Variants in AGBL1 observed in about 807,000 individuals in gnomAD.
The protein encoded by AGBL1 is cytosolic carboxypeptidase 4.
A neutral mutation model predicts 118.9 loss-of-function variants in AGBL1; 130 were observed. The ratio of observed to expected loss-of-function variants is 1.09; its 90% CI spans 0.95 to 1.26. The LOEUF is 1.26. AGBL1 is among the 50% of genes most tolerant of loss of function. The pLI is 0.00. For missense variants in AGBL1, 1,584 were observed against 1,298.1 expected (o/e 1.22, Z -3.38); for synonymous variants, 555 against 478.9 (o/e 1.16, Z -2.08).
At chr15:86,644,658 A>G (rs192339282) in intron 21 of AGBL1, among the ~76,000 whole-genome samples, 47 of 151,784 alleles carry the variant, frequency 3.1e-4, no homozygotes, top group Admixed American at 1.4e-3. Context: ...AAAAATCAAT[A>G]TCATGAAAGA....
At chr15:86,746,939 A>G (rs2077765689) in intron 22 of AGBL1, among the ~76,000 whole-genome samples, 1 of 152,226 alleles carries the variant, frequency 6.6e-6, no homozygotes, top group East Asian at 1.9e-4. Flanking sequence ...ACCTTCTGAT[A>G]CTGTTTAACT....
intron 22 of AGBL1, among the ~76,000 whole-genome samples, chr15:86,720,517 C>T (rs918740975): frequency 6.6e-6 from 1 of 152,180 alleles, no homozygotes; most frequent in Non-Finnish European, 1.5e-5. Flanking sequence ...ACTTCGCTGC[C>T]AATGGGGCCA....
At chr15:86,556,015 A>C (rs527895223) in intron 21 of AGBL1, among the ~76,000 whole-genome samples, 1 of 152,186 alleles carries the variant, frequency 6.6e-6, no homozygotes, top group Admixed American at 6.5e-5. Context: ...TGTTTAAAAG[A>C]CAACTCCATG....
At chr15:86,312,160 C>G (rs2141825576) in intron 17 of AGBL1, 1 of 152,342 alleles carries the variant, frequency 6.6e-6, no homozygotes, top group African/African-American at 2.4e-5. Flanking sequence ...TTACAGAATG[C>G]TGAGATTGTA....
chr15:87,003,516 C>G (rs2141765286), intron 24 of AGBL1, among the ~76,000 whole-genome samples: 1 of 152,276 alleles, frequency 6.6e-6, no homozygotes, highest in Non-Finnish European at 1.5e-5. Flanking sequence ...AGAATTCCCT[C>G]TTTTTCTATT....
chr15:86,446,222 G>GT (rs912888565), intron 18 of AGBL1, among the ~76,000 whole-genome samples: 2 of 152,158 alleles, frequency 1.3e-5, no homozygotes, highest in African/African-American at 4.8e-5. Context: ...ATGTTTTCAT[G>GT]TTTTTTGGTT....
intron 17 of AGBL1, among the ~76,000 whole-genome samples, chr15:86,306,233 T>C (rs926102814): frequency 1.3e-5 from 2 of 152,134 alleles, no homozygotes; most frequent in African/African-American, 4.8e-5. Context: ...AGTCACCCCA[T>C]TGGGCTATCA....
intron 17 of AGBL1, among the ~76,000 whole-genome samples, chr15:86,385,041 G>C (rs192498427): frequency 6.6e-6 from 1 of 151,996 alleles, no homozygotes; most frequent in Admixed American, 6.5e-5. Flanking sequence ...CTTTCAATCC[G>C]GCAGCCACGA....
chr15:86,279,824 G>T (rs1266113654), intron 16 of AGBL1, 41 bp downstream of exon 16: 1 of 1,605,336 alleles, frequency 6.2e-7, no homozygotes, highest in Non-Finnish European at 8.5e-7. Context: ...AGGACTGAAG[G>T]GGCTCTCTGA....
intron 16 of AGBL1, among the ~76,000 whole-genome samples, chr15:86,280,506 A>G (rs1567175264): frequency 6.6e-6 from 1 of 152,202 alleles, no homozygotes; most frequent in Non-Finnish European, 1.5e-5. Context: ...AAGCTGGCAA[A>G]CTAACCCTTA....
chr15:86,556,906 T>C (rs2083742349), intron 21 of AGBL1, among the ~76,000 whole-genome samples: 1 of 152,124 alleles, frequency 6.6e-6, no homozygotes, highest in African/African-American at 2.4e-5. Flanking sequence ...CAATCATTTC[T>C]CCCCCAGCAC....
intron 17 of AGBL1, among the ~76,000 whole-genome samples, chr15:86,308,474 A>G (rs1316005384): frequency 6.6e-6 from 1 of 152,244 alleles, no homozygotes; most frequent in Non-Finnish European, 1.5e-5. Context: ...TCAGACTTCC[A>G]GCCTCCAAAA....
At chr15:86,514,135 A>AACACACACACACAC (rs3084321) in intron 18 of AGBL1, among the ~76,000 whole-genome samples, 1 of 149,182 alleles carries the variant, frequency 6.7e-6, no homozygotes, top group Non-Finnish European at 1.5e-5. Flanking sequence ...TACACACACA[A>AACACACACACACAC]ACACACACAC....
At chr15:86,507,687 G>T (rs894817001) in intron 18 of AGBL1, among the ~76,000 whole-genome samples, 4 of 152,082 alleles carry the variant, frequency 2.6e-5, no homozygotes, top group African/African-American at 9.7e-5. Flanking sequence ...GTAAACCATG[G>T]ATATTTGGGG....
intron 21 of AGBL1, among the ~76,000 whole-genome samples, chr15:86,668,534 C>T (rs1304666279): frequency 6.6e-6 from 1 of 152,056 alleles, no homozygotes; most frequent in African/African-American, 2.4e-5. Context: ...TTGGTATCTT[C>T]AGAGTGGCCC....
intron 17 of AGBL1, among the ~76,000 whole-genome samples, chr15:86,394,278 T>C (rs1034577328): frequency 2.0e-5 from 3 of 152,148 alleles, no homozygotes; most frequent in Non-Finnish European, 4.4e-5. Flanking sequence ...AATTTCAGAA[T>C]TCGTTTTATA....
chr15:86,573,183 C>T (rs541489927), intron 21 of AGBL1, among the ~76,000 whole-genome samples: 1 of 152,194 alleles, frequency 6.6e-6, no homozygotes, highest in Non-Finnish European at 1.5e-5. Flanking sequence ...AAGCACATAA[C>T]CAAGGGCAGA....
rs182548174 is a variant in AGBL1 at position 86,632,123 on chromosome 15, C to T, written c.2995-42150C>T. On this transcript the variant is annotated intron_variant, in intron 21 of 22. Transcript: ENST00000614907. ...CCACAATTTTTTTTTTTAAAGTTAA[C>T]CAGGTGTGGTGGCTCACATTTGTAG... is the stretch of plus-strand genomic sequence containing the variant. Among the ~76,000 whole-genome samples, 441 of 151,072 alleles carry T rather than the reference C, an allele frequency of 2.9e-3. 3 individuals are homozygous for T. The highest frequency in any genetic ancestry group is 0.01 in the African/African-American group (423 of 41,088).
At chr15:86,812,816 A>G (rs909085593) in intron 22 of AGBL1, among the ~76,000 whole-genome samples, 2 of 152,176 alleles carry the variant, frequency 1.3e-5, no homozygotes, top group Admixed American at 6.6e-5. Context: ...AATGAACACA[A>G]TTGCTGCTTA....
Sources: gnomAD v4.1 joint callset for allele counts (sites outside exome capture counted in the v4.1 genomes callset) on GRCh38, gnomAD v4.1.1 for gene constraint, MANE v1.5 for transcripts, NCBI Gene and HGNC (gene_info 2026-07-23, HGNC 2026-07-21) for gene names.